Variants in SLIT2 observed in about 807,000 individuals in gnomAD.
SLIT2 encodes slit homolog 2 protein.
A neutral mutation model predicts 185.7 loss-of-function variants in SLIT2; 41 were observed. The observed-to-expected ratio is 0.22, with a 90% CI of 0.17 to 0.29. The LOEUF (loss-of-function observed/expected upper bound fraction) is 0.29, where lower values mean the gene tolerates loss of function less well. SLIT2 is among the 10% of genes least tolerant of loss of function. SLIT2 has a pLI of 1.00. For synonymous variants in SLIT2, 693 were observed against 680.2 expected, an observed-to-expected ratio of 1.02 and a Z score of -0.29; for missense variants, 1,571 against 1,909.0, an observed-to-expected ratio of 0.82 and a Z score of 3.30.
Position 20,451,548 on chromosome 4 carries a change from T to C in SLIT2, c.396-16204T>C, listed in dbSNP as rs527412329. On this transcript the variant is annotated intron_variant, in intron 4 of 36. Coordinates refer to ENST00000504154, the MANE Select transcript of SLIT2 (RefSeq NM_004787.4). Reference sequence around the variant, plus strand: ...CCTACTAATGCACACATAACATATATGTTGGAGTTATTTCATCAGTGAATA... The same window carrying C: ...CCTACTAATGCACACATAACATATACGTTGGAGTTATTTCATCAGTGAATA... Among the ~76,000 whole-genome samples the C allele has an allele frequency of 5.9e-5, 9 of 152,314 alleles. No individual in the cohort carries two copies. The South Asian group carries it at 1.9e-3, about 32-fold the overall frequency.
intron 9 of SLIT2, 38 bp downstream of exon 9, chr4:20,491,937 C>T (rs1717821499): frequency 7.5e-6 from 12 of 1,596,440 alleles, no homozygotes; most frequent in Non-Finnish European, 9.4e-6. Flanking sequence ...CCCCACCTTC[C>T]CGGTGAACCA....
intron 26 of SLIT2, among the ~76,000 whole-genome samples, chr4:20,557,726 A>G (rs1724377853): frequency 6.6e-6 from 1 of 152,080 alleles, no homozygotes; most frequent in Non-Finnish European, 1.5e-5. Flanking sequence ...AGCTGTACAT[A>G]GTGGTTCTTC....
intron 4 of SLIT2, among the ~76,000 whole-genome samples, chr4:20,292,422 G>A (rs1178587754): frequency 2.6e-5 from 4 of 152,148 alleles, no homozygotes; most frequent in Non-Finnish European, 1.5e-5. Flanking sequence ...GGGAGGCTGA[G>A]GTGAGAGGAT....
chr4:20,497,122 T>G (rs1011262376), intron 9 of SLIT2, among the ~76,000 whole-genome samples: 2 of 152,118 alleles, frequency 1.3e-5, no homozygotes, highest in East Asian at 1.9e-4. Flanking sequence ...TACCCTATTA[T>G]GGAGCTATAT....
intron 4 of SLIT2, among the ~76,000 whole-genome samples, chr4:20,457,860 A>G (rs1456340542): frequency 6.6e-6 from 1 of 152,192 alleles, no homozygotes; most frequent in African/African-American, 2.4e-5. Flanking sequence ...CTGATGAAGC[A>G]CTTCATAGCT....
At chr4:20,512,653 G>A (rs1719860758) in intron 11 of SLIT2, among the ~76,000 whole-genome samples, 1 of 152,126 alleles carries the variant, frequency 6.6e-6, no homozygotes, top group Non-Finnish European at 1.5e-5. Context: ...GCACCATTCT[G>A]AACAGTAATA....
rs537350089 is a variant in SLIT2, at chr4:20,523,884, C to A, written c.1255C>A (p.Leu419Ile). 1.2e-6 allele frequency: 2 copies of A among 1,614,142 alleles called. No homozygotes were observed. The highest frequency in any genetic ancestry group is 1.3e-5 in the African/African-American group (1 of 75,056). Reference protein sequence around the residue: ...QTIAKGTFSPLRAIQTMHLAQ... With the variant: ...QTIAKGTFSPIRAIQTMHLAQ... ...CATCGCCAAGGGGACCTTTTCACCT[C>A]TTCGGGCCATTCAAACTATGTATGT... Residue 419 changes from leucine to isoleucine, a missense_variant, in exon 13 of 37, where the codon CTT becomes ATT. Coordinates refer to ENST00000504154, the MANE Select transcript of SLIT2 (RefSeq NM_004787.4).
In SLIT2 at chr4:20,253,551, A is replaced by G. The variant is rs1449016586; in HGVS notation, c.-265A>G. 7.5e-6 allele frequency: 4 copies of G among 535,930 alleles called. No homozygotes were observed. Among genetic ancestry groups the G allele is most frequent in the Non-Finnish European group, 1.0e-5 (3 of 299,216 alleles). 33.2% of individuals were successfully genotyped at this position (535,930 alleles called of 1,614,324 possible). On this transcript the variant is annotated 5_prime_UTR_variant, in exon 1 of 37. Coordinates refer to ENST00000504154, the MANE Select transcript of SLIT2 (RefSeq NM_004787.4). ...TCCGCTGCTCTTGGGGTCTCCTTGCAGCCCTGGCCAGGCGGATTCATCCTC... is the reference window on the plus strand; with the variant it reads ...TCCGCTGCTCTTGGGGTCTCCTTGCGGCCCTGGCCAGGCGGATTCATCCTC...
chr4:20,610,274 A>C, intron 34 of SLIT2, 107 bp downstream of exon 34: 1 of 915,348 alleles, frequency 1.1e-6, no homozygotes, highest in Non-Finnish European at 1.6e-6. Flanking sequence ...TCATTGACCA[A>C]TAGTGATCAA....
chr4:20,482,217 A>T (rs1016126571), intron 6 of SLIT2, among the ~76,000 whole-genome samples: 1 of 151,980 alleles, frequency 6.6e-6, no homozygotes, highest in African/African-American at 2.4e-5. Flanking sequence ...GTATTATTAA[A>T]CCAGTGTTCC....
chr4:20,407,549 C>G (rs1247690872), intron 4 of SLIT2, among the ~76,000 whole-genome samples: 1 of 152,156 alleles, frequency 6.6e-6, no homozygotes, highest in African/African-American at 2.4e-5. Context: ...ACTTGGCAGG[C>G]ATTTGTGAGG....
chr4:20,305,688 C>A (rs1717472342), intron 4 of SLIT2, among the ~76,000 whole-genome samples: 1 of 151,496 alleles, frequency 6.6e-6, no homozygotes, highest in South Asian at 2.1e-4. Flanking sequence ...GCCTGACCAA[C>A]ATGGTGAAAC....
chr4:20,482,877 CA>C (rs1201557876), intron 6 of SLIT2, among the ~76,000 whole-genome samples: 5 of 151,238 alleles, frequency 3.3e-5, no homozygotes, highest in African/African-American at 9.7e-5. Context: ...CTAGAAAAAT[CA>C]GTTGATAAAT....
intron 4 of SLIT2, among the ~76,000 whole-genome samples, chr4:20,401,533 A>C (rs995201200): frequency 6.6e-6 from 1 of 151,818 alleles, no homozygotes; most frequent in Non-Finnish European, 1.5e-5. Context: ...TGACCCCTTC[A>C]TCCAGCAAAT....
In SLIT2 at chr4:20,262,232, T is replaced by G. The variant is rs554132651; in HGVS notation, c.323+4293T>G. On this transcript the variant is annotated intron_variant, in intron 3 of 36. Transcript: ENST00000504154. ...AAAGACAAATTTATTTTTTTTAAGG[T>G]GATGCTGAATTAGTTCTCCCTGCAT... 1.4e-4 allele frequency among the ~76,000 whole-genome samples: 22 copies of G among 151,862 alleles called. No homozygotes were observed. The South Asian group carries it at 4.4e-3, about 30-fold the overall frequency.
intron 20 of SLIT2, 91 bp downstream of exon 20, chr4:20,541,710 A>C: frequency 1.8e-6 from 2 of 1,118,230 alleles, no homozygotes; most frequent in Non-Finnish European, 2.6e-6. Flanking sequence ...AGTTCAGCTC[A>C]GCAAATAATG....
chr4:20,530,172 CA>C (rs1263461105), intron 16 of SLIT2, among the ~76,000 whole-genome samples: 2 of 151,592 alleles, frequency 1.3e-5, no homozygotes, highest in African/African-American at 4.8e-5. Context: ...GCATGGAGTC[CA>C]TGCAACCAAG....
intron 6 of SLIT2, among the ~76,000 whole-genome samples, chr4:20,481,151 G>T (rs1053532070): frequency 2.0e-5 from 3 of 151,792 alleles, no homozygotes; most frequent in African/African-American, 7.3e-5. Flanking sequence ...TCGTTGTTAG[G>T]CAATGGAAAC....
At chr4:20,487,676 C>G (rs1717374017) in intron 7 of SLIT2, among the ~76,000 whole-genome samples, 1 of 152,178 alleles carries the variant, frequency 6.6e-6, no homozygotes. Context: ...GGTCACCCAT[C>G]TTTCCCAAAA....
Sources: allele counts gnomAD v4.1 joint callset (sites outside exome capture counted in the v4.1 genomes callset), GRCh38; gene constraint gnomAD v4.1.1; transcripts MANE v1.5; gene names NCBI Gene and HGNC (gene_info 2026-07-23, HGNC 2026-07-21).